The following TMEM132D variants were observed in gnomAD, a reference collection of about 807,000 sequenced individuals.
The protein encoded by TMEM132D is mature OL transmembrane protein.
A neutral mutation model predicts 62.3 loss-of-function variants in TMEM132D; 21 were observed. The observed-to-expected ratio is 0.34, with a 90% CI of 0.24 to 0.49. TMEM132D has a LOEUF of 0.49. TMEM132D is among the 20% of genes least tolerant of loss of function. TMEM132D has a pLI of 0.99. For missense variants in TMEM132D, 1,346 were observed against 1,402.8 expected (o/e 0.96, Z 0.65); for synonymous variants, 621 against 575.6 (o/e 1.08, Z -1.13).
chr12:129,808,951 T>G (rs1872080012), intron 1 of TMEM132D, among the ~76,000 whole-genome samples: 1 of 152,222 alleles, frequency 6.6e-6, no homozygotes, highest in South Asian at 2.1e-4. Flanking sequence ...ACTTTTGGAC[T>G]GCAATGTGGT....
chr12:129,794,750 A>G (rs1473746043), intron 1 of TMEM132D, among the ~76,000 whole-genome samples: 4 of 152,124 alleles, frequency 2.6e-5, no homozygotes, highest in African/African-American at 7.2e-5. Flanking sequence ...TTTTTTCCAC[A>G]TTATTTGCAA....
chr12:129,700,293 C>T lies in TMEM132D; in HGVS notation c.485G>A (p.Gly162Glu), dbSNP rs765530661. The change falls in exon 2 of 9, where the codon GGG becomes GAG. Residue 162 changes from glycine (G) to glutamate (E), a missense_variant. Physicochemically the swap from Gly to Glu is moderately conservative, Grantham distance 98. Transcript: ENST00000422113. Reference sequence around the variant, plus strand: ...GACCCTCAGGCACGGCAGCTTCTCCCCGGCGCTGCGGTCGTCCCAGTCTCT... The same window carrying T: ...GACCCTCAGGCACGGCAGCTTCTCCTCGGCGCTGCGGTCGTCCCAGTCTCT... ...MGRDWDDRSAGEKLPCLRVFA... is the reference protein window; with the variant it reads ...MGRDWDDRSAEEKLPCLRVFA... 3.7e-6 allele frequency: 6 copies of T among 1,613,544 alleles called. No homozygotes were observed. The highest frequency in any genetic ancestry group is 5.1e-6 in the Non-Finnish European group (6 of 1,179,990).
intron 5 of TMEM132D, among the ~76,000 whole-genome samples, chr12:129,118,840 G>A (rs938071003): frequency 3.9e-5 from 6 of 152,178 alleles, no homozygotes; most frequent in Non-Finnish European, 8.8e-5. Context: ...GCATCTCTCA[G>A]GCCCTGGAGG....
intron 4 of TMEM132D, among the ~76,000 whole-genome samples, chr12:129,297,741 A>T (rs1881612573): frequency 6.6e-6 from 1 of 152,136 alleles, no homozygotes; most frequent in Non-Finnish European, 1.5e-5. Context: ...TCAGGTCGTT[A>T]TCAAACGACC....
chr12:129,451,814 C>G (rs1247801476), intron 3 of TMEM132D, among the ~76,000 whole-genome samples: 1 of 152,142 alleles, frequency 6.6e-6, no homozygotes, highest in Non-Finnish European at 1.5e-5. Flanking sequence ...CCTCTAGAAG[C>G]CTCACCTAGA....
At chr12:129,901,466 A>G (rs1351305090) in intron 1 of TMEM132D, among the ~76,000 whole-genome samples, 1 of 152,236 alleles carries the variant, frequency 6.6e-6, no homozygotes, top group Non-Finnish European at 1.5e-5. Context: ...TGCTGTACAA[A>G]GTCTCCACAC....
intron 2 of TMEM132D, among the ~76,000 whole-genome samples, chr12:129,613,417 G>A (rs774707584): frequency 1.2e-4 from 18 of 152,104 alleles, no homozygotes; most frequent in Non-Finnish European, 2.2e-4. Context: ...AGACACTCTC[G>A]TCTCAACAGG....
chr12:129,541,971 A>C (rs1876595693), intron 2 of TMEM132D, among the ~76,000 whole-genome samples: 1 of 152,198 alleles, frequency 6.6e-6, no homozygotes, highest in Non-Finnish European at 1.5e-5. Context: ...AACAAAAACA[A>C]AGCAAAACAA....
intron 1 of TMEM132D, among the ~76,000 whole-genome samples, chr12:129,769,006 C>A (rs1256787708): frequency 6.6e-6 from 1 of 152,126 alleles, no homozygotes; most frequent in Non-Finnish European, 1.5e-5. Flanking sequence ...ACATCAAGTA[C>A]AGTAGGATTG....
At chr12:129,136,780 C>T (rs61944809) in intron 5 of TMEM132D, among the ~76,000 whole-genome samples, 2 of 123,180 alleles carry the variant, frequency 1.6e-5, no homozygotes, top group African/African-American at 6.9e-5. Flanking sequence ...ATCACCATCA[C>T]CATCATCACC....
chr12:129,808,835 AAC>A (rs1184765685), intron 1 of TMEM132D, among the ~76,000 whole-genome samples: 5 of 152,132 alleles, frequency 3.3e-5, no homozygotes, highest in Non-Finnish European at 5.9e-5. Context: ...TTTTACAAAG[AAC>A]ACAAAGATAT....
At chr12:129,535,862 A>G (rs12299214) in intron 2 of TMEM132D, among the ~76,000 whole-genome samples, 35,755 of 151,566 alleles carry the variant, frequency 0.24, 5,497 homozygotes, top group African/African-American at 0.43. Flanking sequence ...AGGAAGGGGG[A>G]CAGGGAGAGA....
chr12:129,880,729 A>AAAT (rs1874563986), intron 1 of TMEM132D, among the ~76,000 whole-genome samples: 1 of 150,690 alleles, frequency 6.6e-6, no homozygotes, highest in South Asian at 2.1e-4. Context: ...TTTAAAAGAT[A>AAAT]AATAATAACC....
intron 3 of TMEM132D, among the ~76,000 whole-genome samples, chr12:129,367,792 T>TTC (rs1870467495): frequency 6.7e-6 from 1 of 150,158 alleles, no homozygotes; most frequent in Non-Finnish European, 1.5e-5. Context: ...TTTTTTTTTT[T>TTC]TTCGTTTTTT....
At chr12:129,532,214 G>A (rs1469754397) in intron 2 of TMEM132D, among the ~76,000 whole-genome samples, 1 of 152,204 alleles carries the variant, frequency 6.6e-6, no homozygotes, top group Admixed American at 6.5e-5. Flanking sequence ...TGAAGCGAGA[G>A]TACCAAGGGG....
At chr12:129,333,928 C>T (rs969587904) in intron 4 of TMEM132D, among the ~76,000 whole-genome samples, 4 of 152,186 alleles carry the variant, frequency 2.6e-5, no homozygotes, top group African/African-American at 9.6e-5. Flanking sequence ...CAAGACCAGC[C>T]TGGCTAACAT....
At chr12:129,641,541 A>G (rs912856136) in intron 2 of TMEM132D, among the ~76,000 whole-genome samples, 3 of 152,198 alleles carry the variant, frequency 2.0e-5, no homozygotes, top group African/African-American at 7.2e-5. Context: ...TTCCAAAACT[A>G]GTCCAGGTCA....
At chr12:129,786,003 G>A (rs1337689898) in intron 1 of TMEM132D, among the ~76,000 whole-genome samples, 1 of 152,152 alleles carries the variant, frequency 6.6e-6, no homozygotes, top group Admixed American at 6.5e-5. Flanking sequence ...GAATTCCTAA[G>A]AAATAGTTGA....
At chr12:129,708,309 G>A (rs1227981268) in intron 1 of TMEM132D, among the ~76,000 whole-genome samples, 3 of 152,122 alleles carry the variant, frequency 2.0e-5, no homozygotes, top group African/African-American at 7.2e-5. Context: ...GACAGGAAGA[G>A]GGGAGTGATA....
Sources: allele counts gnomAD v4.1 joint callset (sites outside exome capture counted in the v4.1 genomes callset), GRCh38; gene constraint gnomAD v4.1.1; transcripts MANE v1.5; gene names NCBI Gene and HGNC (gene_info 2026-07-23, HGNC 2026-07-21).